Variants in SND1 observed in about 807,000 individuals in gnomAD.
SND1 encodes staphylococcal nuclease domain-containing protein 1.
In SND1, 38 loss-of-function variants were observed where a neutral mutation model predicts 121.7. The observed-to-expected ratio is 0.31, with a 90% CI of 0.24 to 0.41. SND1 has a LOEUF of 0.41. Among genes scored for constraint, SND1 ranks in the 10% least tolerant of loss-of-function variants. The pLI is 1.00. For synonymous variants in SND1, 401 were observed against 447.4 expected, an observed-to-expected ratio of 0.90 and a Z score of 1.31; for missense variants, 868 against 1,184.6, an observed-to-expected ratio of 0.73 and a Z score of 3.92.
chr7:127,942,837 C>T (rs1801246646), intron 15 of SND1, among the ~76,000 whole-genome samples: 1 of 152,146 alleles, frequency 6.6e-6, no homozygotes, highest in Non-Finnish European at 1.5e-5. Flanking sequence ...AACCAAGACA[C>T]GAAGAGTTGC....
chr7:127,969,839 G>A (rs1801942558), intron 15 of SND1, among the ~76,000 whole-genome samples: 1 of 152,206 alleles, frequency 6.6e-6, no homozygotes, highest in Non-Finnish European at 1.5e-5. Context: ...AGAATCACAG[G>A]AACAGTCTCA....
intron 16 of SND1, among the ~76,000 whole-genome samples, chr7:128,053,847 C>T (rs965084845): frequency 6.6e-6 from 1 of 152,228 alleles, no homozygotes; most frequent in African/African-American, 2.4e-5. Flanking sequence ...GGCCTCCACT[C>T]TCCACGCTGT....
At chr7:127,861,075 C>G (rs761986586) in intron 12 of SND1, among the ~76,000 whole-genome samples, 2 of 152,136 alleles carry the variant, frequency 1.3e-5, no homozygotes, top group Admixed American at 6.5e-5. Context: ...TAGGTATAAC[C>G]CCATTTATGA....
intron 17 of SND1, among the ~76,000 whole-genome samples, chr7:128,079,170 C>G (rs770208485): frequency 2.0e-5 from 3 of 152,250 alleles, no homozygotes; most frequent in Non-Finnish European, 4.4e-5. Flanking sequence ...CAGGGAACTT[C>G]CAGCTCTGGA....
chr7:127,985,093 A>G (rs1331566093), intron 15 of SND1, among the ~76,000 whole-genome samples: 3 of 151,732 alleles, frequency 2.0e-5, no homozygotes, highest in Non-Finnish European at 4.4e-5. Context: ...CTACAGCACC[A>G]CTCCCTCCCT....
chr7:128,043,105 T>A (rs1006302110), intron 16 of SND1, among the ~76,000 whole-genome samples: 2 of 152,236 alleles, frequency 1.3e-5, no homozygotes, highest in African/African-American at 2.4e-5. Flanking sequence ...CCTGAACAGC[T>A]CCATCTTAGG....
intron 1 of SND1, 43 bp from the exon 2 acceptor site, chr7:127,686,570 C>A: frequency 6.3e-7 from 1 of 1,586,838 alleles, no homozygotes; most frequent in South Asian, 1.1e-5. Flanking sequence ...TATGGTGATA[C>A]GGCCTCTGGA....
At chr7:128,034,545 A>G (rs904306943) in intron 16 of SND1, among the ~76,000 whole-genome samples, 2 of 152,188 alleles carry the variant, frequency 1.3e-5, no homozygotes, top group African/African-American at 4.8e-5. Flanking sequence ...GGCAAACTCA[A>G]ACCCTGTCTG....
chr7:127,693,178 T>A (rs1469005262), intron 2 of SND1, among the ~76,000 whole-genome samples: 1 of 152,224 alleles, frequency 6.6e-6, no homozygotes, highest in Non-Finnish European at 1.5e-5. Flanking sequence ...TGTTCATTGG[T>A]TCGGTGCTGT....
chr7:127,723,399 C>CT (rs1796529992), intron 10 of SND1, among the ~76,000 whole-genome samples: 1 of 151,656 alleles, frequency 6.6e-6, no homozygotes, highest in African/African-American at 2.4e-5. Flanking sequence ...TTTATTCTTT[C>CT]TTTTTCTTCC....
At chr7:127,733,722 G>A (rs1424906025) in intron 10 of SND1, among the ~76,000 whole-genome samples, 2 of 152,176 alleles carry the variant, frequency 1.3e-5, no homozygotes, top group Non-Finnish European at 2.9e-5. Context: ...GTGGATTTCT[G>A]TTGATGCCAT....
intron 10 of SND1, among the ~76,000 whole-genome samples, chr7:127,792,077 G>T (rs966212950): frequency 1.3e-5 from 2 of 152,178 alleles, no homozygotes; most frequent in Admixed American, 1.3e-4. Flanking sequence ...CACATTCCAT[G>T]GATTAGACAC....
intron 9 of SND1, among the ~76,000 whole-genome samples, chr7:127,709,332 C>T (rs1796258906): frequency 6.6e-6 from 1 of 152,114 alleles, no homozygotes; most frequent in Non-Finnish European, 1.5e-5. Context: ...GGGAGGCAGG[C>T]CTTCAATTTT....
At chr7:128,002,090 A>G (rs568120605) in intron 16 of SND1, among the ~76,000 whole-genome samples, 6 of 152,340 alleles carry the variant, frequency 3.9e-5, no homozygotes, top group African/African-American at 1.4e-4. Context: ...CAACCCTCCC[A>G]GTGCTCTTCA....
chr7:127,941,943 T>A (rs1031337482), intron 15 of SND1, among the ~76,000 whole-genome samples: 1 of 147,598 alleles, frequency 6.8e-6, no homozygotes, highest in Non-Finnish European at 1.5e-5. Flanking sequence ...TATTTGTGAG[T>A]GCTACTGATT....
intron 12 of SND1, among the ~76,000 whole-genome samples, chr7:127,857,541 C>G (rs1177053596): frequency 3.3e-5 from 5 of 149,516 alleles, no homozygotes; most frequent in Admixed American, 1.3e-4. Context: ...CTTCGTAGCA[C>G]AGTTGGGGGT....
intron 16 of SND1, among the ~76,000 whole-genome samples, chr7:128,069,570 C>T (rs904570366): frequency 6.6e-6 from 1 of 152,180 alleles, no homozygotes; most frequent in African/African-American, 2.4e-5. Flanking sequence ...AGCTTCCTTC[C>T]CCATGGAGCT....
chr7:127,909,461 T>C (rs1800410699), intron 14 of SND1, among the ~76,000 whole-genome samples: 1 of 152,038 alleles, frequency 6.6e-6, no homozygotes, highest in Non-Finnish European at 1.5e-5. Context: ...TTTTTTTTTT[T>C]TTTTTAAGGA....
chr7:127,980,144 G>A lies in SND1; in HGVS notation c.1670-10803G>A, dbSNP rs373171380. 9.5e-3 allele frequency among the ~76,000 whole-genome samples: 125 copies of A among 13,120 alleles called. 21 individuals carry two copies. The highest frequency in any genetic ancestry group is 0.05 in the East Asian group (104 of 2,098). 8.6% of individuals were successfully genotyped at this position (13,120 alleles called of 152,430 possible). On this transcript the variant is annotated intron_variant, in intron 15 of 23. Coordinates refer to ENST00000354725, the MANE Select transcript of SND1 (RefSeq NM_014390.4). ...TTTTTTTTTTTTGAGACGGAGTCTC[G>A]CTCTGTCGCCCAGGCTGGAGTGCAG...
Sources: gnomAD v4.1 joint callset for allele counts (sites outside exome capture counted in the v4.1 genomes callset) on GRCh38, gnomAD v4.1.1 for gene constraint, MANE v1.5 for transcripts, NCBI Gene and HGNC (gene_info 2026-07-23, HGNC 2026-07-21) for gene names.